The following TENM3 variants were observed in gnomAD, a reference collection of about 807,000 sequenced individuals.
The protein encoded by TENM3 is teneurin transmembrane protein 3, also known as teneurin-3.
TENM3 carries 63 observed loss-of-function variants against 255.1 expected under a neutral mutation model. The observed-to-expected ratio is 0.25, with a 90% CI of 0.20 to 0.30. The LOEUF is 0.30. Among genes scored for constraint, TENM3 ranks in the 10% least tolerant of loss-of-function variants. TENM3 has a pLI of 1.00. For missense variants in TENM3, 2,929 were observed against 3,461.1 expected (o/e 0.85, Z 3.86); for synonymous variants, 1,306 against 1,322.3 (o/e 0.99, Z 0.27).
chr4:181,751,525 C>T, the TENM3 span, among the ~76,000 whole-genome samples: 1 of 151,904 alleles, frequency 6.6e-6, no homozygotes, highest in Non-Finnish European at 1.5e-5. Context: ...AGTGTTGTTA[C>T]GCACCTGCTT....
At chr4:182,067,173 G>A in the TENM3 span, among the ~76,000 whole-genome samples, 2 of 152,230 alleles carry the variant, frequency 1.3e-5, 1 homozygote, top group South Asian at 4.1e-4. Flanking sequence ...ATGAGAGGCC[G>A]GCAGCATTCC....
chr4:181,752,071 G>A, the TENM3 span, among the ~76,000 whole-genome samples: 58,993 of 152,014 alleles, frequency 0.39, 11,776 homozygotes, highest in African/African-American at 0.49. Context: ...TAGCTTAAAA[G>A]CAGCAGCCTG....
chr4:182,374,865 C>T (rs193213153), intron 3 of TENM3, among the ~76,000 whole-genome samples: 1 of 152,304 alleles, frequency 6.6e-6, no homozygotes, highest in African/African-American at 2.4e-5. Flanking sequence ...ATTCTCTAAG[C>T]TTATCTTCCC....
chr4:181,998,424 T>G, the TENM3 span, among the ~76,000 whole-genome samples: 1 of 152,144 alleles, frequency 6.6e-6, no homozygotes. Flanking sequence ...AACCCGTCTT[T>G]TACTCCGAGA....
intron 4 of TENM3, among the ~76,000 whole-genome samples, chr4:182,608,729 G>A (rs913817971): frequency 3.0e-4 from 46 of 152,172 alleles, no homozygotes; most frequent in African/African-American, 1.1e-3. Flanking sequence ...ACCCAGCACT[G>A]GCTTTGCTGG....
chr4:182,657,935 C>T (rs547429298), intron 6 of TENM3, among the ~76,000 whole-genome samples: 68 of 152,328 alleles, frequency 4.5e-4, no homozygotes, highest in African/African-American at 1.5e-3. Flanking sequence ...GGATTATTGG[C>T]GTGAGCCACC....
At chr4:182,235,943 G>A (rs12650540) in intron 1 of TENM3, among the ~76,000 whole-genome samples, 14,079 of 152,234 alleles carry the variant, frequency 0.092, 690 homozygotes, top group East Asian at 0.15. Flanking sequence ...TTACTGTTTA[G>A]GGGAACTTTA....
chr4:182,078,847 GA>G, the TENM3 span, among the ~76,000 whole-genome samples: 1 of 152,172 alleles, frequency 6.6e-6, no homozygotes, highest in East Asian at 1.9e-4. Flanking sequence ...ATGAATGGAA[GA>G]AAGCATGGGG....
At chr4:182,097,788 G>T in the TENM3 span, among the ~76,000 whole-genome samples, 8 of 152,046 alleles carry the variant, frequency 5.3e-5, no homozygotes, top group Non-Finnish European at 1.2e-4. Flanking sequence ...TAACACCATT[G>T]TCTCTTGTTT....
chr4:181,599,138 G>GCA, the TENM3 span, among the ~76,000 whole-genome samples: 1 of 152,132 alleles, frequency 6.6e-6, no homozygotes. Flanking sequence ...ATACTAACAA[G>GCA]CACATAGGTA....
chr4:182,680,809 G>C, intron 10 of TENM3, 72 bp downstream of exon 10: 1 of 1,218,390 alleles, frequency 8.2e-7, no homozygotes, highest in Non-Finnish European at 1.1e-6. Context: ...GTAATCTTTA[G>C]TTGGGCAGAT....
intron 1 of TENM3, among the ~76,000 whole-genome samples, chr4:182,271,698 T>C (rs996233208): frequency 1.2e-4 from 18 of 152,224 alleles, no homozygotes; most frequent in East Asian, 5.8e-4. Flanking sequence ...CCATCTTCAA[T>C]AAATTGTATA....
intron 22 of TENM3, chr4:182,755,461 G>A (rs899521723): frequency 1.2e-4 from 64 of 541,082 alleles, no homozygotes; most frequent in Non-Finnish European, 2.0e-4. Context: ...AGGATTGCTT[G>A]AGCCCAGGAC....
At chr4:181,943,452 T>C in the TENM3 span, among the ~76,000 whole-genome samples, 1 of 152,186 alleles carries the variant, frequency 6.6e-6, no homozygotes, top group Non-Finnish European at 1.5e-5. Flanking sequence ...CTTCCAGCAT[T>C]AGTTGGTTAA....
In TENM3 at chr4:182,793,630, G is replaced by A. The variant is rs1456283364; in HGVS notation, c.6958G>A (p.Ala2320Thr). ...TATGCTGAAACAGATTCAGTACACT[G>A]CATATGGGGAAATCTATTTTGACTC... Reference protein sequence around the residue: ...GLMLKQIQYTAYGEIYFDSNI... With the variant: ...GLMLKQIQYTTYGEIYFDSNI... The change falls in exon 26 of 28, where the codon GCA becomes ACA. Residue 2320 changes from alanine (A) to threonine (T), a missense_variant. Physicochemically the swap from Ala to Thr is moderately conservative, Grantham distance 58. This residue lies in a region of TENM3 where 256 missense variants were observed against 389.3 expected (regional missense o/e 0.66). Transcript: ENST00000511685. The surrounding 1 kb of genome is among the most constrained non-coding windows in gnomAD (Gnocchi z 5.7). 6.2e-7 allele frequency: 1 copy of A among 1,613,964 alleles called. No individual in the cohort carries two copies. Among genetic ancestry groups the A allele is most frequent in the Non-Finnish European group, 8.5e-7 (1 of 1,179,882 alleles).
Position 182,753,616 on chromosome 4 carries a change from C to A in TENM3, c.4017+12C>A. The A allele has an allele frequency of 1.2e-6, 2 of 1,611,238 alleles. No homozygotes were observed. Among genetic ancestry groups the A allele is most frequent in the Middle Eastern group, 1.7e-4 (1 of 6,044 alleles). ...TGCACATCAGCCAGGTAGTTAAATA[C>A]TAAGCGGACTTGTTTGTTTTTCCTC... On this transcript the variant is annotated intron_variant, in intron 21 of 27. Transcript: ENST00000511685.
At chr4:181,543,447 G>C in the TENM3 span, among the ~76,000 whole-genome samples, 1 of 152,160 alleles carries the variant, frequency 6.6e-6, no homozygotes, top group Non-Finnish European at 1.5e-5. Flanking sequence ...GCAACTTTTT[G>C]TTCAAGGTAC....
the TENM3 span, among the ~76,000 whole-genome samples, chr4:181,883,126 C>CTTTCTTTTTTTTT: frequency 9.4e-6 from 1 of 106,690 alleles, no homozygotes; most frequent in Non-Finnish European, 1.9e-5. Context: ...TGCAATTAAT[C>CTTTCTTTTTTTTT]TTTTTTTTTT....
intron 6 of TENM3, among the ~76,000 whole-genome samples, chr4:182,659,495 G>C (rs1411790866): frequency 6.6e-6 from 1 of 152,066 alleles, no homozygotes; most frequent in Non-Finnish European, 1.5e-5. Context: ...CATCCACTGG[G>C]GATCTTGGAA....
Sources: allele counts gnomAD v4.1 joint callset (sites outside exome capture counted in the v4.1 genomes callset), GRCh38; gene constraint gnomAD v4.1.1; regional missense constraint gnomAD v4.1.1; non-coding constraint Gnocchi (gnomAD v3.1); transcripts MANE v1.5; gene names NCBI Gene and HGNC (gene_info 2026-07-23, HGNC 2026-07-21).